UBQLN4: variants seen among roughly 807,000 people sequenced by gnomAD.
The protein encoded by UBQLN4 is ubiquilin-4.
UBQLN4 carries 11 observed loss-of-function variants against 60.4 expected under a neutral mutation model. The observed-to-expected ratio is 0.18, with a 90% CI of 0.11 to 0.30. UBQLN4 has a LOEUF of 0.30. Among genes scored for constraint, UBQLN4 ranks in the 10% least tolerant of loss-of-function variants. The pLI, the probability that UBQLN4 is intolerant of heterozygous loss-of-function variation, is 1.00. For synonymous variants in UBQLN4, 258 were observed against 313.1 expected (o/e 0.82, Z 1.86); for missense variants, 417 against 795.5 (o/e 0.52, Z 5.72).
rs774447752 is a variant in UBQLN4 at position 156,043,956 on chromosome 1, G to A, written c.1126+42C>T. On this transcript the variant is annotated intron_variant, in intron 6 of 10. Coordinates refer to ENST00000368309, the MANE Select transcript of UBQLN4 (RefSeq NM_020131.5). ...CATTCAGTCCTGGGACAGAGGGGCT[G>A]CCCTGGTGACCCCACTAAGCTCCTT... The A allele has an allele frequency of 3.1e-6, 5 of 1,596,194 alleles. No individual in the cohort carries two copies. The East Asian group carries it at 8.9e-5, about 29-fold the overall frequency.
intron 10 of UBQLN4, 68 bp downstream of exon 10, chr1:156,041,417 T>C (rs1683559303): frequency 6.1e-6 from 9 of 1,466,666 alleles, no homozygotes; most frequent in African/African-American, 4.3e-5. Flanking sequence ...CTCTATTCTA[T>C]TGCTTCCCTT....
chr1:156,041,434 T>C, intron 10 of UBQLN4, 51 bp downstream of exon 10: 1 of 1,470,524 alleles, frequency 6.8e-7, no homozygotes. Flanking sequence ...CCTTGAAACC[T>C]CCCAGGATCA....
At position 156,053,758 on chromosome 1, in the gene UBQLN4, CG is replaced by C; in HGVS notation, c.-58del. The C allele has an allele frequency of 8.7e-7, 1 of 1,149,270 alleles. No homozygotes were observed. Among genetic ancestry groups the C allele is most frequent in the South Asian group, 4.1e-5 (1 of 24,646 alleles). 71.2% of individuals were successfully genotyped at this position (1,149,270 alleles called of 1,614,324 possible). A position where few individuals can be genotyped will look rare whatever the true frequency, so the allele number is the denominator to read the frequency against. ...CGCCCGGCTCCTCCTCCTCCCCGCC[CG>C]CCCGGCCGGCCCGGCTCGGCTTCTG... On this transcript the variant is annotated 5_prime_UTR_variant, in exon 1 of 11. Coordinates refer to ENST00000368309, the MANE Select transcript of UBQLN4 (RefSeq NM_020131.5).
rs1410282420 is a variant in UBQLN4, at chr1:156,050,598, C to T, written c.479-45G>A. 2.6e-6 allele frequency: 4 copies of T among 1,551,170 alleles called. No homozygotes were observed. The highest frequency in any genetic ancestry group is 2.6e-6 in the Non-Finnish European group (3 of 1,147,840). Reference sequence around the variant, plus strand: ...TCACAGTCTGCCACAAGAACAGTGTCCTCACTTAGCCAGAGCCACTGAATT... The same window carrying T: ...TCACAGTCTGCCACAAGAACAGTGTTCTCACTTAGCCAGAGCCACTGAATT... On this transcript the variant is annotated intron_variant, in intron 3 of 10. Coordinates refer to ENST00000368309, the MANE Select transcript of UBQLN4 (RefSeq NM_020131.5). The surrounding 1 kb of genome is among the most constrained non-coding windows in gnomAD (Gnocchi z 4.6).
intron 10 of UBQLN4, among the ~76,000 whole-genome samples, chr1:156,038,238 G>A (rs1683457979): frequency 6.6e-6 from 1 of 152,062 alleles, no homozygotes; most frequent in Non-Finnish European, 1.5e-5. Context: ...TTACCCAGGT[G>A]TGGTGGCGCA....
intron 10 of UBQLN4, among the ~76,000 whole-genome samples, chr1:156,040,384 A>G (rs1045275978): frequency 6.6e-6 from 1 of 151,762 alleles, no homozygotes; most frequent in African/African-American, 2.4e-5. Context: ...CTGTCTCAAA[A>G]AAAAAAAAAG....
chr1:156,039,935 T>TAAA (rs1683507070), intron 10 of UBQLN4, among the ~76,000 whole-genome samples: 1 of 11,948 alleles, frequency 8.4e-5, no homozygotes, highest in African/African-American at 3.9e-4. Flanking sequence ...AGACTCCGTC[T>TAAA]CAAAAAAAAA....
intron 1 of UBQLN4, 86 bp downstream of exon 1, chr1:156,053,507 TC>T: frequency 5.5e-6 from 5 of 915,390 alleles, no homozygotes; most frequent in Non-Finnish European, 6.8e-6. Context: ...TCCGGGGCCC[TC>T]CGGGACGCCG....
chr1:156,042,181 C>T lies in UBQLN4; in HGVS notation c.1322G>A (p.Arg441His), dbSNP rs1284905343. 3.1e-6 allele frequency: 5 copies of T among 1,607,270 alleles called. No individual in the cohort carries two copies. The highest frequency in any genetic ancestry group is 3.4e-5 in the Admixed American group (2 of 58,142). The change falls in exon 8 of 11, where the codon CGC (arginine) becomes CAC (histidine). Residue 441 changes from arginine to histidine, a missense_variant. Arg to His is a conservative substitution (Grantham distance 29, BLOSUM62 0). Coordinates refer to ENST00000368309, the MANE Select transcript of UBQLN4 (RefSeq NM_020131.5). Reference protein sequence around the residue: ...AGNPQLQEQLRLQLPVFLQQM... With the variant: ...AGNPQLQEQLHLQLPVFLQQM... The stretch of plus-strand genomic sequence containing the variant: ...CTGCAGGAAGACTGGGAGCTGCAGG[C>T]GGAGCTGCTCCTGCAGTTGGGGGTT...
chr1:156,041,478 C>T lies in UBQLN4; in HGVS notation c.1653+7G>A. 6.3e-7 allele frequency: 1 copy of T among 1,580,218 alleles called. No homozygotes were observed. Among genetic ancestry groups the T allele is most frequent in the Non-Finnish European group, 8.6e-7 (1 of 1,163,156 alleles). On this transcript the variant is annotated splice_region_variant and intron_variant, in intron 10 of 10. Coordinates refer to ENST00000368309, the MANE Select transcript of UBQLN4 (RefSeq NM_020131.5). ...CTCCCAGCACCTGCCCCCACTGCCT[C>T]ATGTACCTGTGAGTTTCCACTTCCA...
intron 5 of UBQLN4, among the ~76,000 whole-genome samples, chr1:156,044,586 C>T (rs530848900): frequency 6.6e-6 from 1 of 152,138 alleles, no homozygotes; most frequent in Admixed American, 6.5e-5. Context: ...CCTCAAGGGG[C>T]AGAGGCAATG....
chr1:156,034,058 A>G (rs1276240572), downstream of UBQLN4, among the ~76,000 whole-genome samples: 1 of 150,658 alleles, frequency 6.6e-6, no homozygotes, highest in Admixed American at 6.7e-5. Context: ...TAGTGAGAGT[A>G]TCGGTCTCAG....
chr1:156,048,561 A>G lies in UBQLN4; in HGVS notation c.840T>C (p.Asn280=). Residue 280 remains asparagine, a synonymous_variant, in exon 5 of 11, where the codon AAT becomes AAC. Coordinates refer to ENST00000368309, the MANE Select transcript of UBQLN4 (RefSeq NM_020131.5). The surrounding 1 kb of genome is among the most constrained non-coding windows in gnomAD (Gnocchi z 4.9). ...TGTCCGTGTACATGCGGCGGAGGGCATTATACCCTCCAGGGATGCTCTCAA... is the reference window on the plus strand; with the variant it reads ...TGTCCGTGTACATGCGGCGGAGGGCGTTATACCCTCCAGGGATGCTCTCAA... ...SNLESIPGGY[N]ALRRMYTDIQ... is the part of the protein sequence containing the mutation. 1.2e-6 allele frequency: 2 copies of G among 1,614,004 alleles called. No homozygotes were observed. Among genetic ancestry groups the G allele is most frequent in the Non-Finnish European group, 1.7e-6 (2 of 1,179,894 alleles).
intron 1 of UBQLN4, 116 bp from the exon 2 acceptor site, chr1:156,051,973 G>A: frequency 7.5e-7 from 1 of 1,328,594 alleles, no homozygotes; most frequent in East Asian, 2.4e-5. Context: ...GTCATGGGAA[G>A]TCCTTTCTGT....
chr1:156,040,235 A>T (rs1683523319), intron 10 of UBQLN4, among the ~76,000 whole-genome samples: 1 of 151,268 alleles, frequency 6.6e-6, no homozygotes, highest in Non-Finnish European at 1.5e-5. Flanking sequence ...CTCTACTAAC[A>T]ATACAAAAAA....
rs957446354 is a variant in UBQLN4, at chr1:156,041,402, A to G, written c.1653+83T>C. The G allele has an allele frequency of 2.1e-6, 3 of 1,412,968 alleles. No individual in the cohort carries two copies. In the African/African-American group the frequency reaches 4.4e-5, roughly 20 times the overall value. 87.5% of individuals were successfully genotyped at this position (1,412,968 alleles called of 1,614,324 possible). A position where few individuals can be genotyped will look rare whatever the true frequency, so the allele number is the denominator to read the frequency against. ...AGGACCTGACTCCCAAGCTTGCCCT[A>G]CTGCCTCTATTCTATTGCTTCCCTT... On this transcript the variant is annotated intron_variant, in intron 10 of 10. Transcript: ENST00000368309.
At chr1:156,047,491 C>T (rs970529193) in intron 5 of UBQLN4, among the ~76,000 whole-genome samples, 1 of 151,694 alleles carries the variant, frequency 6.6e-6, no homozygotes, top group African/African-American at 2.4e-5. Flanking sequence ...GATCCGCCCA[C>T]CTCAGCCTCC....
chr1:156,053,324 C>A (rs1386612844), intron 1 of UBQLN4, among the ~76,000 whole-genome samples: 1 of 152,082 alleles, frequency 6.6e-6, no homozygotes, highest in Non-Finnish European at 1.5e-5. Flanking sequence ...GTCCTTCCCC[C>A]TTCCCGGTGC....
chr1:156,038,570 T>G (rs1215488449), intron 10 of UBQLN4, among the ~76,000 whole-genome samples: 1 of 151,540 alleles, frequency 6.6e-6, no homozygotes, highest in Non-Finnish European at 1.5e-5. Flanking sequence ...GGCAGGAGAA[T>G]CGCTTGAACC....
Sources: allele counts gnomAD v4.1 joint callset (sites outside exome capture counted in the v4.1 genomes callset), GRCh38; gene constraint gnomAD v4.1.1; non-coding constraint Gnocchi (gnomAD v3.1); transcripts MANE v1.5; gene names NCBI Gene and HGNC (gene_info 2026-07-23, HGNC 2026-07-21).